ATRN: variants seen among roughly 807,000 people sequenced by gnomAD.
ATRN encodes the protein attractin.
ATRN carries 54 observed loss-of-function variants against 178.7 expected under a neutral mutation model. The observed-to-expected ratio is 0.30, with a 90% CI of 0.24 to 0.38. The LOEUF (loss-of-function observed/expected upper bound fraction) is 0.38. Ranked by LOEUF, ATRN falls within the 10% of genes least tolerant of loss-of-function variation. The pLI, the probability that ATRN is intolerant of heterozygous loss-of-function variation, is 1.00. For synonymous variants in ATRN, 636 were observed against 663.0 expected (o/e 0.96, Z 0.63); for missense variants, 1,443 against 1,815.1 (o/e 0.79, Z 3.73).
intron 24 of ATRN, among the ~76,000 whole-genome samples, chr20:3,605,188 A>G (rs1349852457): frequency 6.6e-6 from 1 of 152,220 alleles, no homozygotes; most frequent in East Asian, 1.9e-4. Context: ...AGAAATGCAA[A>G]TCAGAACCAC....
At chr20:3,531,463 G>T (rs953024779) in intron 1 of ATRN, among the ~76,000 whole-genome samples, 3 of 152,156 alleles carry the variant, frequency 2.0e-5, no homozygotes, top group African/African-American at 7.2e-5. Flanking sequence ...GCAGTGATGT[G>T]CATATTGTCA....
intron 25 of ATRN, among the ~76,000 whole-genome samples, chr20:3,631,589 A>G (rs905212449): frequency 6.6e-6 from 1 of 152,140 alleles, no homozygotes. Flanking sequence ...TGGAGCAGCA[A>G]GTAGAAGGGA....
At chr20:3,554,061 C>G (rs1442677410) in intron 6 of ATRN, among the ~76,000 whole-genome samples, 1 of 152,082 alleles carries the variant, frequency 6.6e-6, no homozygotes, top group Non-Finnish European at 1.5e-5. Flanking sequence ...TGATTTATTT[C>G]CTTCACAAAC....
intron 24 of ATRN, among the ~76,000 whole-genome samples, chr20:3,621,026 T>C (rs1401162716): frequency 6.6e-6 from 1 of 152,210 alleles, no homozygotes; most frequent in African/African-American, 2.4e-5. Flanking sequence ...GTGTTAGTGT[T>C]AGTGTATTTT....
chr20:3,503,426 AG>A (rs2084991048), intron 1 of ATRN, among the ~76,000 whole-genome samples: 1 of 152,228 alleles, frequency 6.6e-6, no homozygotes, highest in Non-Finnish European at 1.5e-5. Context: ...TTTTCTGACA[AG>A]GATTTTAAAG....
intron 25 of ATRN, among the ~76,000 whole-genome samples, chr20:3,626,231 C>CAAA (rs3084195): frequency 7.0e-5 from 7 of 99,536 alleles, no homozygotes; most frequent in African/African-American, 1.9e-4. Flanking sequence ...GACCCTGTCT[C>CAAA]AAAAAAAAAA....
chr20:3,607,624 T>C (rs1032691089), intron 24 of ATRN, among the ~76,000 whole-genome samples: 19 of 152,374 alleles, frequency 1.2e-4, no homozygotes, highest in African/African-American at 4.6e-4. Context: ...ATTCATTTGT[T>C]GATGGACACG....
chr20:3,505,537 C>T (rs1033642784), intron 1 of ATRN, among the ~76,000 whole-genome samples: 1 of 152,138 alleles, frequency 6.6e-6, no homozygotes, highest in Non-Finnish European at 1.5e-5. Flanking sequence ...TTCTGGAGAA[C>T]CCTAATATAG....
At chr20:3,641,444 A>G (rs1463417407) in intron 27 of ATRN, among the ~76,000 whole-genome samples, 2 of 151,992 alleles carry the variant, frequency 1.3e-5, no homozygotes, top group Non-Finnish European at 2.9e-5. Flanking sequence ...TACAGAAATT[A>G]GCCAGGCATG....
intron 25 of ATRN, among the ~76,000 whole-genome samples, chr20:3,626,715 A>G (rs1047162869): frequency 6.6e-6 from 1 of 151,292 alleles, no homozygotes; most frequent in African/African-American, 2.4e-5. Flanking sequence ...CCCCAAAGGT[A>G]CCATTTACCT....
rs1358464288 is a variant in ATRN at position 3,471,282 on chromosome 20, C to T, written c.175C>T (p.Pro59Ser). 2.0e-6 allele frequency: 3 copies of T among 1,467,072 alleles called. No individual in the cohort carries two copies. The highest frequency in any genetic ancestry group is 2.7e-6 in the Non-Finnish European group (3 of 1,118,296). The allele number at this position is 1,467,072 out of a possible 1,614,324, so 90.9% of individuals were successfully genotyped here. A position where few individuals can be genotyped will look rare whatever the true frequency, so the allele number is the denominator to read the frequency against. The stretch of plus-strand genomic sequence containing the variant: ...GCGGCTGCTGTCTCCACCGCTGCGG[C>T]CACGGCTGCTGCTGCTGCTGTTGTT... ...LPRLLSPPLR[P>S]RLLLLLLLLS... Residue 59 changes from proline to serine, a missense_variant, in exon 1 of 29, where the codon CCA becomes TCA. Pro to Ser is a moderately conservative substitution (Grantham distance 74, BLOSUM62 -1). Coordinates refer to ENST00000262919, the MANE Select transcript of ATRN (RefSeq NM_139321.3).
At chr20:3,580,656 C>T (rs2086271116) in intron 15 of ATRN, among the ~76,000 whole-genome samples, 1 of 152,136 alleles carries the variant, frequency 6.6e-6, no homozygotes, top group African/African-American at 2.4e-5. Flanking sequence ...GTGCCCCCAT[C>T]TGTGAGATGT....
Position 3,634,354 on chromosome 20 carries a change from A to G in ATRN, c.3907A>G (p.Ile1303Val). Residue 1303 changes from isoleucine (I) to valine (V), a missense_variant, in exon 26 of 29, where the codon ATC becomes GTC. Physicochemically the swap from Ile to Val is conservative, Grantham distance 29. This residue lies in a region of ATRN where 289 missense variants were observed against 440.8 expected (regional missense o/e 0.66). Transcript: ENST00000262919. ...LLLVAAVVWK[I>V]KQSCWASRRR... is the part of the protein sequence containing the mutation. Reference sequence around the variant, plus strand: ...CCTGGTGGCTGCTGTGGTTTGGAAGATCAAACAAAGTTGTTGGGCCTCCAG... The same window carrying G: ...CCTGGTGGCTGCTGTGGTTTGGAAGGTCAAACAAAGTTGTTGGGCCTCCAG... The G allele has an allele frequency of 1.2e-6, 2 of 1,612,980 alleles. No homozygotes were observed. The highest frequency in any genetic ancestry group is 1.7e-6 in the Non-Finnish European group (2 of 1,179,150).
In ATRN at chr20:3,624,559, G is replaced by A. The variant is rs75336789; in HGVS notation, c.3850G>A (p.Val1284Met). ...TTTTATGGACCTGGTACAGTTCTTC[G>A]TGACTTTCTTCAGGTAATTTTGCTT... ...SNFMDLVQFF[V>M]TFFSCFLSLL... The change falls in exon 25 of 29, where the codon GTG becomes ATG. Residue 1284 changes from valine to methionine, a missense_variant. This residue lies in a region of ATRN where 289 missense variants were observed against 440.8 expected (regional missense o/e 0.66). Coordinates refer to ENST00000262919, the MANE Select transcript of ATRN (RefSeq NM_139321.3). 1.9e-6 allele frequency: 3 copies of A among 1,613,720 alleles called. No individual in the cohort carries two copies. The highest frequency in any genetic ancestry group is 1.7e-6 in the Non-Finnish European group (2 of 1,179,826).
chr20:3,584,642 A>T lies in ATRN; in HGVS notation c.2951-5A>T, dbSNP rs1410626094. The T allele has an allele frequency of 1.3e-5, 20 of 1,581,758 alleles. No homozygotes were observed. The Admixed American group carries it at 1.9e-4, about 15-fold the overall frequency. Reference sequence around the variant, plus strand: ...TAGTCAATTGCAACTTTTTTTTTTTAATAGCTGAAAATTGTTCAGGCTACT... The same window carrying T: ...TAGTCAATTGCAACTTTTTTTTTTTTATAGCTGAAAATTGTTCAGGCTACT... On this transcript the variant is annotated splice_region_variant and splice_polypyrimidine_tract_variant and intron_variant, in intron 17 of 28. Coordinates refer to ENST00000262919, the MANE Select transcript of ATRN (RefSeq NM_139321.3).
rs2087105126 is a variant in ATRN at position 3,645,988 on chromosome 20, G to A, written c.4166-735G>A. ...AAAGCAAAGTGGGCGGCGGGGCAGT[G>A]ATGAGCATAAAGGGTAGTTGCTATT... On this transcript the variant is annotated intron_variant, in intron 28 of 28. Transcript: ENST00000262919. This position sits in a 1 kb window ranked among gnomAD's most constrained non-coding sequence, Gnocchi z 4.7. Among the ~76,000 whole-genome samples, 1 of 152,176 alleles carries A rather than the reference G, an allele frequency of 6.6e-6. No individual in the cohort carries two copies. Among genetic ancestry groups the A allele is most frequent in the African/African-American group, 2.4e-5 (1 of 41,426 alleles).
chr20:3,581,629 ATGT>A (rs11468414), intron 15 of ATRN, among the ~76,000 whole-genome samples: 7,240 of 152,202 alleles, frequency 0.048, 518 homozygotes, highest in African/African-American at 0.16. Context: ...AGCATCCATC[ATGT>A]TGGCACTCAA....
chr20:3,477,922 T>C (rs1002012764), intron 1 of ATRN, among the ~76,000 whole-genome samples: 8 of 152,254 alleles, frequency 5.3e-5, no homozygotes, highest in African/African-American at 1.9e-4. Flanking sequence ...TACTGAATCA[T>C]GTATAACACC....
At chr20:3,499,963 A>G (rs1273749077) in intron 1 of ATRN, among the ~76,000 whole-genome samples, 7 of 152,098 alleles carry the variant, frequency 4.6e-5, no homozygotes, top group African/African-American at 1.4e-4. Context: ...TCCAGAATCT[A>G]CAATGAACTC....
Sources: gnomAD v4.1 joint callset for allele counts (sites outside exome capture counted in the v4.1 genomes callset) on GRCh38, gnomAD v4.1.1 for gene constraint, gnomAD v4.1.1 regional missense constraint, Gnocchi (gnomAD v3.1) non-coding constraint, MANE v1.5 for transcripts, NCBI Gene and HGNC (gene_info 2026-07-23, HGNC 2026-07-21) for gene names.